Variants in CHL1 observed in about 807,000 individuals in gnomAD.
The protein encoded by CHL1 is cell adhesion molecule L1 like.
Under a neutral mutation model 141.9 loss-of-function variants are expected in CHL1, and 96 were observed. The observed-to-expected ratio is 0.68, with a 90% confidence interval of 0.57 to 0.80. The LOEUF (loss-of-function observed/expected upper bound fraction) is 0.80. Among genes scored for constraint, CHL1 ranks in the 30% least tolerant of loss-of-function variants. CHL1 has a pLI of 0.00. For missense variants in CHL1, 1,820 were observed against 1,457.2 expected (o/e 1.25, Z -4.05); for synonymous variants, 613 against 502.2 (o/e 1.22, Z -2.95).
intron 20 of CHL1, among the ~76,000 whole-genome samples, chr3:389,692 A>T (rs1013012953): frequency 6.6e-6 from 1 of 152,182 alleles, no homozygotes; most frequent in African/African-American, 2.4e-5. Context: ...GAAAGTTTTC[A>T]TTTTATTCAG....
chr3:307,972 T>C (rs1189200149), intron 2 of CHL1, among the ~76,000 whole-genome samples: 1 of 152,224 alleles, frequency 6.6e-6, no homozygotes, highest in East Asian at 1.9e-4. Flanking sequence ...CTAAAACCTA[T>C]GAATATGGTT....
chr3:279,243 A>G (rs911242873), intron 2 of CHL1, among the ~76,000 whole-genome samples: 7 of 152,308 alleles, frequency 4.6e-5, no homozygotes, highest in Non-Finnish European at 5.9e-5. Flanking sequence ...TGATTTCTCA[A>G]TAGAGAAAGT....
chr3:237,737 G>T lies in CHL1; in HGVS notation c.-174-6876G>T, dbSNP rs148375214. 1.7e-3 allele frequency among the ~76,000 whole-genome samples: 262 copies of T among 152,210 alleles called. 1 individual carries two copies. Among genetic ancestry groups the T allele is most frequent in the African/African-American group, 5.9e-3 (246 of 41,532 alleles). ...CCCACATTAAAGGTACTTGTATTAC[G>T]TGAGATTATACTAAATTATTAAATA... On this transcript the variant is annotated intron_variant, in intron 1 of 27. Transcript: ENST00000256509.
At position 406,891 on chromosome 3, in the gene CHL1, T is replaced by G. The variant is rs1045412514; in HGVS notation, c.*1180T>G. Reference sequence around the variant, plus strand: ...CATATTTTTCAAAATAGGTTTTTATTGTTGAATGTACATCTACCCCAGCCC... The same window carrying G: ...CATATTTTTCAAAATAGGTTTTTATGGTTGAATGTACATCTACCCCAGCCC... On this transcript the variant is annotated 3_prime_UTR_variant, in exon 28 of 28. Coordinates refer to ENST00000256509, the MANE Select transcript of CHL1 (RefSeq NM_006614.4). 6 of 152,160 alleles carry G rather than the reference T, an allele frequency of 3.9e-5. No individual in the cohort carries two copies. The highest frequency in any genetic ancestry group is 1.5e-5 in the Non-Finnish European group (1 of 68,020). 9.4% of individuals were successfully genotyped at this position (152,160 alleles called of 1,614,324 possible). A position where few individuals can be genotyped will look rare whatever the true frequency, so the allele number is the denominator to read the frequency against.
intron 4 of CHL1, among the ~76,000 whole-genome samples, chr3:327,732 T>A (rs925134480): frequency 1.3e-5 from 2 of 151,876 alleles, no homozygotes; most frequent in Non-Finnish European, 2.9e-5. Context: ...GTCTCAAATA[T>A]GTGACAAAAT....
In CHL1 at chr3:354,655, C is replaced by T; in HGVS notation, c.1049C>T (p.Thr350Ile). Residue 350 changes from threonine to isoleucine, a missense_variant, in exon 11 of 28, where the codon ACA (threonine) becomes ATA (isoleucine). Physicochemically the swap from Thr to Ile is moderately conservative, Grantham distance 89 (BLOSUM62 -1). Transcript: ENST00000256509. ...TTACATCCAGAGCCTCCTCGCTGGA[C>T]AAAGAAGCCTCAGAGTGCTGTGTAT... ...HVIVEEPPRW[T>I]KKPQSAVYST... The T allele has an allele frequency of 6.2e-7, 1 of 1,612,638 alleles. No homozygotes were observed. The highest frequency in any genetic ancestry group is 8.5e-7 in the Non-Finnish European group (1 of 1,179,386).
intron 3 of CHL1, among the ~76,000 whole-genome samples, chr3:324,716 AC>A (rs1264417422): frequency 6.6e-5 from 10 of 151,580 alleles, no homozygotes; most frequent in Admixed American, 3.3e-4. Context: ...ACACCTCACA[AC>A]AGCTTCAACC....
intron 1 of CHL1, among the ~76,000 whole-genome samples, chr3:215,990 C>A (rs1161215284): frequency 2.6e-5 from 4 of 152,034 alleles, no homozygotes; most frequent in African/African-American, 9.7e-5. Flanking sequence ...CAAGCCTAAA[C>A]CATTGGAAAT....
intron 24 of CHL1, 39 bp from the exon 25 acceptor site, chr3:398,187 TG>T (rs1708831515): frequency 7.3e-7 from 1 of 1,362,818 alleles, no homozygotes. Flanking sequence ...TGTTTTTCCA[TG>T]ATTACAATTC....
intron 23 of CHL1, among the ~76,000 whole-genome samples, chr3:392,882 C>A (rs557281200): frequency 3.4e-4 from 52 of 152,272 alleles, no homozygotes; most frequent in African/African-American, 1.1e-3. Context: ...AAGTGTATCT[C>A]TTTGCATTGT....
At chr3:372,924 T>C (rs1705828485) in intron 15 of CHL1, among the ~76,000 whole-genome samples, 1 of 152,106 alleles carries the variant, frequency 6.6e-6, no homozygotes, top group Admixed American at 6.6e-5. Context: ...TTCACGCCTA[T>C]GCCTGGAGAT....
intron 15 of CHL1, among the ~76,000 whole-genome samples, chr3:370,638 C>T (rs116223837): frequency 6.6e-6 from 1 of 150,652 alleles, no homozygotes; most frequent in Non-Finnish European, 1.5e-5. Context: ...TTTCTCTTGT[C>T]TTCTGCTAGC....
At chr3:322,689 A>T (rs896527466) in intron 3 of CHL1, among the ~76,000 whole-genome samples, 13 of 140,832 alleles carry the variant, frequency 9.2e-5, no homozygotes, top group African/African-American at 1.4e-4. Context: ...TATATATATA[A>T]AACGAATAGC....
At chr3:356,019 G>A (rs1703684428) in intron 11 of CHL1, among the ~76,000 whole-genome samples, 1 of 152,146 alleles carries the variant, frequency 6.6e-6, no homozygotes, top group African/African-American at 2.4e-5. Context: ...GCTTAGCACG[G>A]GGACTGCCAC....
chr3:253,244 A>G (rs1338103897), intron 2 of CHL1, among the ~76,000 whole-genome samples: 1 of 152,138 alleles, frequency 6.6e-6, no homozygotes, highest in East Asian at 1.9e-4. Flanking sequence ...CATGGCTGTG[A>G]TGTATCTCGT....
chr3:374,444 C>T (rs1023159675), intron 15 of CHL1, among the ~76,000 whole-genome samples: 9 of 152,128 alleles, frequency 5.9e-5, no homozygotes, highest in Non-Finnish European at 1.3e-4. Context: ...CTCTGGGCTA[C>T]AGCCAAGAAG....
chr3:394,593 A>T, intron 23 of CHL1, 100 bp from the exon 24 acceptor site: 1 of 815,002 alleles, frequency 1.2e-6, no homozygotes, highest in Admixed American at 2.5e-5. Flanking sequence ...TCATTAATGT[A>T]TCTTTACGTA....
intron 10 of CHL1, among the ~76,000 whole-genome samples, chr3:350,943 A>G (rs1479467694): frequency 1.3e-5 from 2 of 152,182 alleles, no homozygotes; most frequent in African/African-American, 4.8e-5. Flanking sequence ...ATGTTTCTAT[A>G]TAATTTGGCT....
Position 394,888 on chromosome 3 carries a change from T to C in CHL1, c.3094+16T>C. 6.3e-7 allele frequency: 1 copy of C among 1,577,120 alleles called. No individual in the cohort carries two copies. Among genetic ancestry groups the C allele is most frequent in the Non-Finnish European group, 8.6e-7 (1 of 1,166,118 alleles). ...GGAGAAGGGAGTAAGTACATGAGGC[T>C]TCTCTTTTTAATAGAGGCTTTAAAA... On this transcript the variant is annotated intron_variant, in intron 24 of 27. Transcript: ENST00000256509.
Sources: gnomAD v4.1 joint callset for allele counts (sites outside exome capture counted in the v4.1 genomes callset) on GRCh38, gnomAD v4.1.1 for gene constraint, MANE v1.5 for transcripts, NCBI Gene and HGNC (gene_info 2026-07-23, HGNC 2026-07-21) for gene names.